Variants in FHIT observed in about 807,000 individuals in gnomAD.
The protein encoded by FHIT is bis(5'-adenosyl)-triphosphatase.
FHIT carries 19 observed loss-of-function variants against 17.9 expected under a neutral mutation model. The observed-to-expected ratio is 1.06, with a 90% CI of 0.74 to 1.56. FHIT has a LOEUF of 1.56. FHIT is among the 40% of genes most tolerant of loss of function. The pLI, the probability that FHIT is intolerant of heterozygous loss-of-function variation, is 0.00. For synonymous variants in FHIT, 81 were observed against 69.7 expected (o/e 1.16, Z -0.81); for missense variants, 248 against 189.2 (o/e 1.31, Z -1.82).
At chr3:59,797,219 C>G (rs1034983716) in intron 8 of FHIT, among the ~76,000 whole-genome samples, 3 of 148,280 alleles carry the variant, frequency 2.0e-5, no homozygotes, top group African/African-American at 7.6e-5. Context: ...CAGAGTCTTG[C>G]TCTGTAGCCC....
chr3:59,982,550 C>T (rs1337989398), intron 7 of FHIT, among the ~76,000 whole-genome samples: 1 of 152,174 alleles, frequency 6.6e-6, no homozygotes, highest in African/African-American at 2.4e-5. Context: ...AGTGTAATAA[C>T]TAACTTTACT....
chr3:60,698,727 T>C (rs1179177405), intron 4 of FHIT, among the ~76,000 whole-genome samples: 1 of 152,070 alleles, frequency 6.6e-6, no homozygotes, highest in Non-Finnish European at 1.5e-5. Flanking sequence ...GTTTTATTGC[T>C]CCCCTACCCT....
chr3:60,119,558 G>A (rs1267180814), intron 5 of FHIT, among the ~76,000 whole-genome samples: 1 of 152,078 alleles, frequency 6.6e-6, no homozygotes, highest in East Asian at 1.9e-4. Context: ...CATATTTATT[G>A]TTTCTTTGAA....
At chr3:60,120,029 T>C (rs775909329) in intron 5 of FHIT, among the ~76,000 whole-genome samples, 7 of 152,198 alleles carry the variant, frequency 4.6e-5, no homozygotes, top group African/African-American at 1.7e-4. Context: ...TCAACATTCC[T>C]GAAGCTTACG....
At chr3:60,747,669 G>A (rs1559691097) in intron 4 of FHIT, among the ~76,000 whole-genome samples, 3 of 152,182 alleles carry the variant, frequency 2.0e-5, no homozygotes, top group Non-Finnish European at 4.4e-5. Flanking sequence ...ACTTTTAGCT[G>A]GGGTGACAGG....
chr3:61,047,917 G>C (rs1413819977), intron 2 of FHIT, among the ~76,000 whole-genome samples: 1 of 144,698 alleles, frequency 6.9e-6, no homozygotes. Flanking sequence ...AAACTGGCTA[G>C]CCATATGTAG....
intron 4 of FHIT, among the ~76,000 whole-genome samples, chr3:60,564,051 T>G (rs967300568): frequency 1.3e-5 from 2 of 152,174 alleles, no homozygotes; most frequent in Non-Finnish European, 1.5e-5. Context: ...ATGAACAAAC[T>G]GAATCTCTTG....
At chr3:60,592,528 C>T (rs2038122081) in intron 4 of FHIT, among the ~76,000 whole-genome samples, 2 of 152,100 alleles carry the variant, frequency 1.3e-5, no homozygotes, top group Non-Finnish European at 2.9e-5. Context: ...TTCTCTTCTA[C>T]CACCTCTGTG....
intron 5 of FHIT, among the ~76,000 whole-genome samples, chr3:60,182,002 CT>C (rs1350989325): frequency 6.6e-6 from 1 of 152,114 alleles, no homozygotes; most frequent in Non-Finnish European, 1.5e-5. Context: ...CTGGTGGGGA[CT>C]TTTAATTATA....
At chr3:60,842,503 T>G (rs1702755178) in intron 3 of FHIT, among the ~76,000 whole-genome samples, 1 of 151,338 alleles carries the variant, frequency 6.6e-6, no homozygotes, top group South Asian at 2.1e-4. Flanking sequence ...TCGCAAGGTA[T>G]ATGTGATATT....
At chr3:60,109,369 A>G (rs1030109833) in intron 5 of FHIT, among the ~76,000 whole-genome samples, 4 of 152,218 alleles carry the variant, frequency 2.6e-5, no homozygotes, top group Non-Finnish European at 4.4e-5. Context: ...ATTAAACTCC[A>G]TAAAACACAA....
intron 4 of FHIT, among the ~76,000 whole-genome samples, chr3:60,693,567 C>T (rs2041042384): frequency 6.6e-6 from 1 of 152,288 alleles, no homozygotes; most frequent in African/African-American, 2.4e-5. Context: ...AGGGAATTGA[C>T]AAAGGCATAT....
chr3:60,625,194 C>A (rs115600388), intron 4 of FHIT, among the ~76,000 whole-genome samples: 10 of 152,206 alleles, frequency 6.6e-5, no homozygotes, highest in Non-Finnish European at 1.3e-4. Context: ...CAGGCATGAA[C>A]GACCACGCCT....
chr3:59,792,393 A>G (rs542993607), intron 8 of FHIT, among the ~76,000 whole-genome samples: 40 of 152,298 alleles, frequency 2.6e-4, no homozygotes, highest in African/African-American at 9.6e-4. Flanking sequence ...ATCTATTTGG[A>G]AGGTGAGGGT....
At chr3:60,083,317 T>C (rs946453439) in intron 5 of FHIT, among the ~76,000 whole-genome samples, 20 of 152,180 alleles carry the variant, frequency 1.3e-4, no homozygotes, top group Admixed American at 1.2e-3. Context: ...TTGGTCTTTG[T>C]CTGTTTTCAC....
At chr3:59,792,674 A>G (rs1699614016) in intron 8 of FHIT, among the ~76,000 whole-genome samples, 1 of 152,232 alleles carries the variant, frequency 6.6e-6, no homozygotes, top group Non-Finnish European at 1.5e-5. Flanking sequence ...GTAAGAGCTC[A>G]ATGTATATTA....
chr3:60,097,731 T>C (rs1402122239), intron 5 of FHIT, among the ~76,000 whole-genome samples: 1 of 151,964 alleles, frequency 6.6e-6, no homozygotes, highest in African/African-American at 2.4e-5. Flanking sequence ...ATTATTATTA[T>C]ACTTTAAGTT....
In FHIT at chr3:60,453,201, T is replaced by G. The variant is rs1048969965; in HGVS notation, c.103+83659A>C. On this transcript the variant is annotated intron_variant, in intron 5 of 9. Transcript: ENST00000492590. Reference sequence around the variant, plus strand: ...ATTATTTTATGCCTGAGCAGATTTTTTTTTTTTTTAACTCAAGTGCCCTAT... The same window carrying G: ...ATTATTTTATGCCTGAGCAGATTTTGTTTTTTTTTAACTCAAGTGCCCTAT... 2.5e-4 allele frequency among the ~76,000 whole-genome samples: 38 copies of G among 152,272 alleles called. 1 individual carries two copies. The highest frequency in any genetic ancestry group is 7.7e-4 in the African/African-American group (32 of 41,564).
intron 4 of FHIT, among the ~76,000 whole-genome samples, chr3:60,624,025 G>A (rs1358994978): frequency 6.6e-6 from 1 of 152,174 alleles, no homozygotes; most frequent in African/African-American, 2.4e-5. Context: ...CAATGTTATA[G>A]TAATACAGAG....
Sources: allele counts gnomAD v4.1 joint callset (sites outside exome capture counted in the v4.1 genomes callset), GRCh38; gene constraint gnomAD v4.1.1; transcripts MANE v1.5; gene names NCBI Gene and HGNC (gene_info 2026-07-23, HGNC 2026-07-21).